Variants in TSPAN4 observed in about 807,000 individuals in gnomAD.
The protein encoded by TSPAN4 is tetraspanin 4, also known as tetraspanin-4.
In TSPAN4, 38 loss-of-function variants were observed where a neutral mutation model predicts 31.5. The observed-to-expected ratio is 1.21, with a 90% CI of 0.93 to 1.58. The LOEUF (loss-of-function observed/expected upper bound fraction) is 1.58. TSPAN4 is among the 40% of genes most tolerant of loss of function. The probability of loss-of-function intolerance (pLI) is 0.00; values close to 1 mark genes in which losing one functional copy is unlikely to be tolerated. For synonymous variants in TSPAN4, 186 were observed against 144.6 expected (o/e 1.29, Z -2.06); for missense variants, 330 against 317.3 (o/e 1.04, Z -0.30).
chr11:845,973 G>A (rs1847300227), intron 1 of TSPAN4, among the ~76,000 whole-genome samples: 2 of 152,220 alleles, frequency 1.3e-5, no homozygotes, highest in Admixed American at 1.3e-4. Context: ...GGACCCCCCA[G>A]GGTGAGGGCT....
intron 3 of TSPAN4, among the ~76,000 whole-genome samples, chr11:851,119 C>T (rs1254062812): frequency 6.6e-6 from 1 of 152,176 alleles, no homozygotes; most frequent in Non-Finnish European, 1.5e-5. Context: ...CCACCCCAGC[C>T]CCATGTCAGC....
At chr11:855,601 C>T (rs1021049303) in intron 3 of TSPAN4, among the ~76,000 whole-genome samples, 11 of 152,166 alleles carry the variant, frequency 7.2e-5, no homozygotes, top group East Asian at 3.8e-4. Context: ...ATCTCTGGGC[C>T]CTGGGGTCCC....
chr11:859,186 C>CCT, intron 3 of TSPAN4, among the ~76,000 whole-genome samples: 1 of 131,654 alleles, frequency 7.6e-6, no homozygotes, highest in Non-Finnish European at 1.6e-5. Flanking sequence ...ACACGCATCC[C>CCT]CTCACATGCA....
chr11:854,891 TGAG>T (rs758265135), intron 3 of TSPAN4, among the ~76,000 whole-genome samples: 6 of 152,320 alleles, frequency 3.9e-5, no homozygotes, highest in Non-Finnish European at 8.8e-5. Context: ...GGCCTCTCTT[TGAG>T]GAGTTTAACA....
chr11:866,904 G>C lies in TSPAN4; in HGVS notation c.*274G>C, dbSNP rs1039590146. On this transcript the variant is annotated 3_prime_UTR_variant, in exon 9 of 9. Coordinates refer to ENST00000397397, the MANE Select transcript of TSPAN4 (RefSeq NM_003271.5). ...GGCCTCCAGCACTTTTTATATTTAC[G>C]TATTCTCCAAAGCAGTGTTCACACG... The C allele has an allele frequency of 2.3e-6, 1 of 433,456 alleles. No individual in the cohort carries two copies. 26.9% of individuals were successfully genotyped at this position (433,456 alleles called of 1,614,324 possible).
chr11:856,220 C>A (rs993195480), intron 3 of TSPAN4, among the ~76,000 whole-genome samples: 2 of 152,212 alleles, frequency 1.3e-5, no homozygotes. Context: ...GCCCTCCAAG[C>A]CTTTTGGGCT....
chr11:861,733 A>G (rs1848470467), intron 3 of TSPAN4, among the ~76,000 whole-genome samples: 1 of 151,506 alleles, frequency 6.6e-6, no homozygotes, highest in East Asian at 1.9e-4. Flanking sequence ...AAAAAAGACT[A>G]TTGTGGCTAA....
At chr11:849,746 G>A (rs1280857794) in intron 2 of TSPAN4, 12 of 149,044 alleles carry the variant, frequency 8.1e-5, no homozygotes, top group Non-Finnish European at 1.2e-4. Context: ...GCGGTGCGGC[G>A]AGGAGGGGAG....
At chr11:846,658 G>A (rs1377880774) in intron 1 of TSPAN4, among the ~76,000 whole-genome samples, 6 of 152,198 alleles carry the variant, frequency 3.9e-5, no homozygotes, top group South Asian at 4.1e-4. Context: ...AGGGCCTTGC[G>A]GGTCATTGCT....
At chr11:861,488 G>A (rs1324967660) in intron 3 of TSPAN4, among the ~76,000 whole-genome samples, 3 of 152,148 alleles carry the variant, frequency 2.0e-5, no homozygotes, top group Admixed American at 6.5e-5. Flanking sequence ...CGAGGTGGGT[G>A]GATCACGAGG....
At chr11:863,034 C>T (rs182910689) in intron 4 of TSPAN4, 197 of 366,620 alleles carry the variant, frequency 5.4e-4, no homozygotes, top group African/African-American at 3.7e-3. Context: ...CAGGCACAGC[C>T]CCGCACACAC....
rs188351323 is a variant in TSPAN4, at chr11:860,825, C to T, written c.64-1725C>T. Among the ~76,000 whole-genome samples, 72 of 152,236 alleles carry T rather than the reference C, an allele frequency of 4.7e-4. 1 individual carries two copies. Among genetic ancestry groups the T allele is most frequent in the African/African-American group, 1.7e-3 (71 of 41,536 alleles). On this transcript the variant is annotated intron_variant, in intron 3 of 8. Transcript: ENST00000397397. ...CAGGTTGAGGGGTGGCTTTGCCAGC[C>T]CATTCCCAAGTCCTGTCCAGTCCAG... is the stretch of plus-strand genomic sequence containing the variant.
rs745867558 is a variant in TSPAN4, at chr11:866,651, C to A, written c.*21C>A. On this transcript the variant is annotated 3_prime_UTR_variant, in exon 9 of 9. Coordinates refer to ENST00000397397, the MANE Select transcript of TSPAN4 (RefSeq NM_003271.5). ...CGTAGGCCGCCCACCGCCCGCTTCTCTGCCAAAAGGACGCCCACGGGGAGA... is the reference window on the plus strand; with the variant it reads ...CGTAGGCCGCCCACCGCCCGCTTCTATGCCAAAAGGACGCCCACGGGGAGA... 6.2e-6 allele frequency: 10 copies of A among 1,607,694 alleles called. No individual in the cohort carries two copies. The highest frequency in any genetic ancestry group is 1.3e-5 in the African/African-American group (1 of 74,778).
rs748166117 is a variant in TSPAN4, at chr11:862,614, C to T, written c.128C>T (p.Thr43Met). Residue 43 changes from threonine to methionine, a missense_variant, in exon 4 of 9, where the codon ACG (threonine) becomes ATG (methionine). Transcript: ENST00000397397. ...GCCGCCACACAGGGGAGCTTCGCCA[C>T]GCTGTCCTCTTCCTTCCCGTCCCTG... ...WLAATQGSFA[T>M]LSSSFPSLSA... 82 of 1,613,110 alleles carry T rather than the reference C, an allele frequency of 5.1e-5. No homozygotes were observed. Among genetic ancestry groups the T allele is most frequent in the East Asian group, 6.7e-5 (3 of 44,894 alleles).
chr11:865,698 G>A lies in TSPAN4; in HGVS notation c.437G>A (p.Arg146His), dbSNP rs138797877. ...NAWSIIQTDF[R>H]CCGVSNYTDW... ...CGACCTGAGCTTGCCCCCCAGTTCC[G>A]CTGCTGTGGCGTCTCCAACTACACT... is the stretch of plus-strand genomic sequence containing the variant. The change falls in exon 7 of 9, where the codon CGC (arginine) becomes CAC (histidine). Residue 146 changes from arginine (R) to histidine (H), a missense_variant. By Grantham distance (29) the Arg-to-His change is conservative. Transcript: ENST00000397397. The A allele has an allele frequency of 2.5e-6, 4 of 1,613,136 alleles. No individual in the cohort carries two copies. The highest frequency in any genetic ancestry group is 2.7e-5 in the African/African-American group (2 of 74,912).
chr11:846,676 C>G (rs1847339589), intron 1 of TSPAN4, among the ~76,000 whole-genome samples: 1 of 152,136 alleles, frequency 6.6e-6, no homozygotes, highest in Admixed American at 6.5e-5. Context: ...GCTGGCAGCT[C>G]CATAGGGAGG....
chr11:848,752 T>C lies in TSPAN4; in HGVS notation c.-18+1452T>C, dbSNP rs1445032257. ...TCATCTGCCAGGAATCTGGGCCACG[T>C]GCTGATATCTTCCCAACACCGCAGG... On this transcript the variant is annotated intron_variant, in intron 2 of 8. Transcript: ENST00000397397. This position sits in a 1 kb window ranked among gnomAD's most constrained non-coding sequence, Gnocchi z 5.7. 5 of 516,098 alleles carry C rather than the reference T, an allele frequency of 9.7e-6. No individual in the cohort carries two copies. Among genetic ancestry groups the C allele is most frequent in the Non-Finnish European group, 1.7e-5 (5 of 286,922 alleles). The allele number at this position is 516,098 out of a possible 1,614,324, so 32.0% of individuals were successfully genotyped here.
intron 3 of TSPAN4, among the ~76,000 whole-genome samples, chr11:854,905 T>C (rs1452468906): frequency 6.6e-6 from 1 of 152,184 alleles, no homozygotes; most frequent in Non-Finnish European, 1.5e-5. Context: ...GAGTTTAACA[T>C]CCCAGGCCAG....
At chr11:846,001 C>A (rs1847302786) in intron 1 of TSPAN4, among the ~76,000 whole-genome samples, 3 of 152,208 alleles carry the variant, frequency 2.0e-5, no homozygotes, top group African/African-American at 7.2e-5. Context: ...GGCACTGGGG[C>A]CCCGCAGGGG....
Sources: gnomAD v4.1 joint callset for allele counts (sites outside exome capture counted in the v4.1 genomes callset) on GRCh38, gnomAD v4.1.1 for gene constraint, Gnocchi (gnomAD v3.1) non-coding constraint, MANE v1.5 for transcripts, NCBI Gene and HGNC (gene_info 2026-07-23, HGNC 2026-07-21) for gene names.